Variants in FBXO4 observed in about 807,000 individuals in gnomAD.
FBXO4 encodes F-box only protein 4.
A neutral mutation model predicts 43.7 loss-of-function variants in FBXO4; 36 were observed. The ratio of observed to expected loss-of-function variants is 0.82; its 90% CI spans 0.63 to 1.09. The LOEUF is 1.09. FBXO4 is among the 50% of genes least tolerant of loss of function. The probability of loss-of-function intolerance (pLI) is 0.00; values close to 1 mark genes in which losing one functional copy is unlikely to be tolerated. For missense variants in FBXO4, 435 were observed against 474.1 expected (o/e 0.92, Z 0.77); for synonymous variants, 180 against 165.6 (o/e 1.09, Z -0.67).
chr5:41,950,820 C>T, the FBXO4 span, among the ~76,000 whole-genome samples: 1 of 152,148 alleles, frequency 6.6e-6, no homozygotes, highest in African/African-American at 2.4e-5. Flanking sequence ...CCCAAATGCC[C>T]ATCAATGATA....
chr5:41,991,971 G>A, the FBXO4 span, among the ~76,000 whole-genome samples: 1 of 152,090 alleles, frequency 6.6e-6, no homozygotes, highest in Non-Finnish European at 1.5e-5. Context: ...CCAGCTACTC[G>A]GGAGGCTGAG....
chr5:41,981,425 T>C, the FBXO4 span, among the ~76,000 whole-genome samples: 1 of 151,662 alleles, frequency 6.6e-6, no homozygotes, highest in Non-Finnish European at 1.5e-5. Flanking sequence ...CTTCCAACAG[T>C]CCAAAATAGA....
chr5:42,037,786 C>T, the FBXO4 span, among the ~76,000 whole-genome samples: 18 of 152,164 alleles, frequency 1.2e-4, no homozygotes, highest in East Asian at 3.3e-3. Flanking sequence ...CTCCTAACCC[C>T]AACTAATCAA....
the FBXO4 span, among the ~76,000 whole-genome samples, chr5:41,999,523 ACATATATATATACATATATATG>A: frequency 9.1e-6 from 1 of 109,324 alleles, no homozygotes; most frequent in Non-Finnish European, 1.7e-5. Flanking sequence ...ATATATATAT[ACATATATATATACATATATATG>A]TATATATATA....
the FBXO4 span, among the ~76,000 whole-genome samples, chr5:41,950,067 A>G: frequency 2.0e-5 from 3 of 152,252 alleles, no homozygotes; most frequent in African/African-American, 7.2e-5. Context: ...AATTAACTCA[A>G]GATGGATTAA....
the FBXO4 span, among the ~76,000 whole-genome samples, chr5:41,963,417 G>A: frequency 6.6e-6 from 1 of 151,866 alleles, no homozygotes; most frequent in Non-Finnish European, 1.5e-5. Flanking sequence ...GATTAATTAT[G>A]TTTTTTGTAC....
the FBXO4 span, among the ~76,000 whole-genome samples, chr5:41,955,731 T>G: frequency 6.6e-6 from 1 of 152,152 alleles, no homozygotes; most frequent in Admixed American, 6.5e-5. Context: ...CATTTTCAGC[T>G]GACTGCTGAT....
intron 2 of FBXO4, chr5:41,928,782 G>A (rs1342334699): frequency 6.6e-6 from 1 of 152,292 alleles, no homozygotes; most frequent in African/African-American, 2.4e-5. Flanking sequence ...CCCTTCATGA[G>A]TTACAAGGTT....
the FBXO4 span, among the ~76,000 whole-genome samples, chr5:41,983,359 G>A: frequency 2.0e-5 from 3 of 152,060 alleles, no homozygotes; most frequent in Admixed American, 1.3e-4. Context: ...ATATGAAGGA[G>A]GGGTTATTAT....
chr5:41,941,117 G>A (rs57396341), intron 6 of FBXO4, 75 bp from the exon 7 acceptor site: 1 of 1,132,156 alleles, frequency 8.8e-7, no homozygotes, highest in South Asian at 1.4e-5. Context: ...TTAGTGTCTA[G>A]AAAAATGTCC....
At chr5:42,004,254 T>C in the FBXO4 span, among the ~76,000 whole-genome samples, 1 of 152,216 alleles carries the variant, frequency 6.6e-6, no homozygotes, top group African/African-American at 2.4e-5. Flanking sequence ...ATTGAAACTT[T>C]TTTTAACTTA....
rs922203872 is a variant in FBXO4, at chr5:41,935,103, T to C, written c.898+795T>C. Reference sequence around the variant, plus strand: ...AAGCAAAATAAAAGATAAGTTCATTTAACAAATAGTGTTTTAGTTCCTACA... The same window carrying C: ...AAGCAAAATAAAAGATAAGTTCATTCAACAAATAGTGTTTTAGTTCCTACA... On this transcript the variant is annotated intron_variant, in intron 5 of 6. Transcript: ENST00000281623. 31 of 985,308 alleles carry C rather than the reference T, an allele frequency of 3.1e-5. No homozygotes were observed. The South Asian group carries it at 1.1e-3, about 36-fold the overall frequency. The allele number at this position is 985,308 out of a possible 1,614,324, so 61.0% of individuals were successfully genotyped here.
the FBXO4 span, among the ~76,000 whole-genome samples, chr5:42,029,516 T>A: frequency 3.9e-5 from 6 of 152,078 alleles, no homozygotes; most frequent in African/African-American, 1.2e-4. Context: ...TTATTATCCC[T>A]TTAAATACAT....
chr5:42,016,030 C>A, the FBXO4 span, among the ~76,000 whole-genome samples: 4 of 151,970 alleles, frequency 2.6e-5, no homozygotes, highest in Non-Finnish European at 5.9e-5. Context: ...AATGTTAAGT[C>A]TTGTGAAGGG....
the FBXO4 span, among the ~76,000 whole-genome samples, chr5:41,966,025 C>T: frequency 1.4e-4 from 21 of 152,200 alleles, no homozygotes; most frequent in African/African-American, 4.8e-4. Context: ...GAAACCATCA[C>T]TCTCAGCAAA....
chr5:42,020,745 C>G, the FBXO4 span, among the ~76,000 whole-genome samples: 143 of 152,274 alleles, frequency 9.4e-4, 3 homozygotes, highest in East Asian at 0.024. Flanking sequence ...TGGGCCAGAA[C>G]CGGCAGTATG....
chr5:42,028,818 A>G, the FBXO4 span, among the ~76,000 whole-genome samples: 2 of 151,932 alleles, frequency 1.3e-5, no homozygotes, highest in Non-Finnish European at 2.9e-5. Context: ...AAACTAAAAA[A>G]AAACCAACTC....
chr5:41,958,776 A>C, the FBXO4 span, among the ~76,000 whole-genome samples: 1 of 152,168 alleles, frequency 6.6e-6, no homozygotes, highest in East Asian at 1.9e-4. Context: ...ATACACATAG[A>C]ATTTTTTTAA....
chr5:41,929,963 G>T, intron 3 of FBXO4, 46 bp downstream of exon 3: 2 of 1,351,808 alleles, frequency 1.5e-6, no homozygotes, highest in South Asian at 2.6e-5. Flanking sequence ...CTTTGAGCTT[G>T]ACATTCTTGT....
Sources: gnomAD v4.1 joint callset for allele counts (sites outside exome capture counted in the v4.1 genomes callset) on GRCh38, gnomAD v4.1.1 for gene constraint, MANE v1.5 for transcripts, NCBI Gene and HGNC (gene_info 2026-07-23, HGNC 2026-07-21) for gene names.